Variants in RBFOX1 observed in about 807,000 individuals in gnomAD.
RBFOX1 encodes RNA binding fox-1 homolog 1.
Under a neutral mutation model 57.7 loss-of-function variants are expected in RBFOX1, and 8 were observed. That is an observed-to-expected ratio of 0.14 (90% confidence interval 0.08 to 0.25). The LOEUF (loss-of-function observed/expected upper bound fraction) is 0.25. RBFOX1 is among the 10% of genes least tolerant of loss of function. The pLI is 1.00. For missense variants in RBFOX1, 611 were observed against 548.5 expected (o/e 1.11, Z -1.14); for synonymous variants, 326 against 222.4 (o/e 1.47, Z -4.15).
chr16:5,390,587 C>A (rs747773707), intron 1 of RBFOX1, among the ~76,000 whole-genome samples: 2 of 152,046 alleles, frequency 1.3e-5, no homozygotes, highest in Admixed American at 6.6e-5. Context: ...CCACGCCTGG[C>A]CTCATATATT....
rs115879545 is a variant in RBFOX1 at position 7,041,849 on chromosome 16, T to G, written c.-15-10208T>G. ...TTGCTGAATTTTTAAATGTGTTAAG[T>G]GCTTTGCTTAGTAATTCTTATAGAT... On this transcript the variant is annotated intron_variant, in intron 3 of 15. Coordinates refer to ENST00000550418, the MANE Select transcript of RBFOX1 (RefSeq NM_018723.4). Among the ~76,000 whole-genome samples the G allele has an allele frequency of 7.3e-3, 1,116 of 152,312 alleles. 13 individuals carry two copies. The highest frequency in any genetic ancestry group is 0.023 in the African/African-American group (947 of 41,558).
chr16:6,593,551 T>A (rs1468629761), intron 2 of RBFOX1, among the ~76,000 whole-genome samples: 2 of 152,198 alleles, frequency 1.3e-5, no homozygotes, highest in Non-Finnish European at 2.9e-5. Flanking sequence ...ATTGTGGCTT[T>A]GCTTTGGTCC....
intron 4 of RBFOX1, among the ~76,000 whole-genome samples, chr16:7,382,664 C>G (rs1294956562): frequency 2.0e-5 from 3 of 152,180 alleles, no homozygotes; most frequent in Non-Finnish European, 4.4e-5. Flanking sequence ...AAATCTGTGT[C>G]CATCCTGGAT....
At chr16:5,917,172 C>T (rs1331331452) in intron 4 of RBFOX1, among the ~76,000 whole-genome samples, 2 of 152,166 alleles carry the variant, frequency 1.3e-5, no homozygotes, top group Non-Finnish European at 2.9e-5. Context: ...CCACAGGATG[C>T]CAGGCTGTTT....
chr16:7,538,344 A>G (rs368886407), intron 5 of RBFOX1, among the ~76,000 whole-genome samples: 17 of 152,322 alleles, frequency 1.1e-4, no homozygotes, highest in African/African-American at 3.8e-4. Context: ...AGCTGCTACT[A>G]TTATGCTACT....
intron 2 of RBFOX1, among the ~76,000 whole-genome samples, chr16:6,599,560 ACTC>A (rs1213374110): frequency 2.6e-5 from 4 of 152,004 alleles, no homozygotes; most frequent in South Asian, 2.1e-4. Flanking sequence ...CAGTAACAAA[ACTC>A]CTACCATTTC....
intron 10 of RBFOX1, among the ~76,000 whole-genome samples, chr16:7,625,465 T>G (rs1458706148): frequency 1.3e-5 from 2 of 152,290 alleles, no homozygotes; most frequent in East Asian, 3.9e-4. Context: ...GTACAGACAG[T>G]GCATGACATA....
chr16:6,811,629 T>C (rs56672169), intron 3 of RBFOX1, among the ~76,000 whole-genome samples: 8,176 of 152,132 alleles, frequency 0.054, 275 homozygotes, highest in Middle Eastern at 0.097. Flanking sequence ...GTGCCTCAGG[T>C]CTGTAATCCT....
At chr16:5,730,764 A>C (rs1235272211) in intron 3 of RBFOX1, among the ~76,000 whole-genome samples, 1 of 152,100 alleles carries the variant, frequency 6.6e-6, no homozygotes, top group African/African-American at 2.4e-5. Flanking sequence ...CATCAGTATC[A>C]CTGCTACCAT....
chr16:7,094,324 C>T (rs776536646), intron 4 of RBFOX1, among the ~76,000 whole-genome samples: 1 of 151,896 alleles, frequency 6.6e-6, no homozygotes, highest in Non-Finnish European at 1.5e-5. Context: ...CACTAAGGAA[C>T]ATGAAGCTTT....
chr16:5,398,489 C>T lies in RBFOX1; in HGVS notation c.220-68727C>T, dbSNP rs772511662. Reference sequence around the variant, plus strand: ...TGTGTGTGAATTGCAGGCACTTGTGCTTGTGGGTGTGCATGTGAGCAGGTG... The same window carrying T: ...TGTGTGTGAATTGCAGGCACTTGTGTTTGTGGGTGTGCATGTGAGCAGGTG... On this transcript the variant is annotated intron_variant, in intron 1 of 2. Coordinates refer to the RBFOX1 transcript ENST00000585867. 5.3e-5 allele frequency among the ~76,000 whole-genome samples: 8 copies of T among 150,856 alleles called. No individual in the cohort carries two copies. In the South Asian group the frequency reaches 8.4e-4, roughly 16 times the overall value.
chr16:6,379,984 C>T (rs1489700917), intron 2 of RBFOX1, among the ~76,000 whole-genome samples: 1 of 152,060 alleles, frequency 6.6e-6, no homozygotes, highest in African/African-American at 2.4e-5. Flanking sequence ...GGAGAGAGAG[C>T]AGATGCAGGA....
At chr16:6,881,126 G>A (rs1038738538) in intron 3 of RBFOX1, among the ~76,000 whole-genome samples, 17 of 152,194 alleles carry the variant, frequency 1.1e-4, no homozygotes, top group African/African-American at 3.4e-4. Context: ...TCAGTGAAGC[G>A]CTCCAGGCAG....
intron 3 of RBFOX1, among the ~76,000 whole-genome samples, chr16:6,811,806 T>C (rs1304519603): frequency 1.3e-5 from 2 of 152,140 alleles, no homozygotes; most frequent in African/African-American, 4.8e-5. Flanking sequence ...GGAGAATCGC[T>C]TGAACCTGGG....
At chr16:6,524,900 G>A (rs959108070) in intron 2 of RBFOX1, among the ~76,000 whole-genome samples, 2 of 151,966 alleles carry the variant, frequency 1.3e-5, no homozygotes, top group African/African-American at 4.8e-5. Context: ...CTGGATTTAG[G>A]GCCCATCCTG....
intron 2 of RBFOX1, among the ~76,000 whole-genome samples, chr16:5,586,967 C>G (rs930157666): frequency 1.3e-5 from 2 of 152,180 alleles, no homozygotes; most frequent in Non-Finnish European, 1.5e-5. Context: ...TGTCATTGAA[C>G]CTTCCTGTGC....
At chr16:6,267,458 G>C (rs2074657543) in intron 1 of RBFOX1, among the ~76,000 whole-genome samples, 1 of 152,054 alleles carries the variant, frequency 6.6e-6, no homozygotes, top group South Asian at 2.1e-4. Context: ...TTTCTCTGTA[G>C]CCTAAGAGAA....
intron 4 of RBFOX1, among the ~76,000 whole-genome samples, chr16:7,416,030 A>G (rs2098474488): frequency 2.0e-5 from 3 of 152,086 alleles, no homozygotes; most frequent in South Asian, 2.1e-4. Flanking sequence ...CCTCTTTGAC[A>G]TGCAGAGTAC....
chr16:5,242,459 G>A (rs1197865393), intron 1 of RBFOX1, among the ~76,000 whole-genome samples: 4 of 142,188 alleles, frequency 2.8e-5, no homozygotes, highest in African/African-American at 1.0e-4. Flanking sequence ...CACAGTGCCC[G>A]CCAGACACAT....
Sources: gnomAD v4.1 joint callset for allele counts (sites outside exome capture counted in the v4.1 genomes callset) on GRCh38, gnomAD v4.1.1 for gene constraint, MANE v1.5 for transcripts, NCBI Gene and HGNC (gene_info 2026-07-23, HGNC 2026-07-21) for gene names.